MTRF1: variants seen among roughly 807,000 people sequenced by gnomAD.
MTRF1 encodes peptide chain release factor 1, mitochondrial.
Under a neutral mutation model 62.9 loss-of-function variants are expected in MTRF1, and 51 were observed. That is an observed-to-expected ratio of 0.81 (90% CI 0.65 to 1.02). The LOEUF is 1.02. Ranked by LOEUF, MTRF1 falls within the 50% of genes least tolerant of loss-of-function variation. The pLI, the probability that MTRF1 is intolerant of heterozygous loss-of-function variation, is 0.00. For synonymous variants in MTRF1, 158 were observed against 181.9 expected (o/e 0.87, Z 1.06); for missense variants, 446 against 530.0 (o/e 0.84, Z 1.56).
At chr13:41,236,703 TTC>T in intron 6 of MTRF1, 1 of 152,216 alleles carries the variant, frequency 6.6e-6, no homozygotes, top group Non-Finnish European at 1.5e-5. Context: ...GACTTACCAT[TTC>T]ATGTGGCTAT....
At chr13:41,221,424 C>T (rs2033342530) in intron 9 of MTRF1, among the ~76,000 whole-genome samples, 1 of 152,082 alleles carries the variant, frequency 6.6e-6, no homozygotes, top group African/African-American at 2.4e-5. Context: ...TCCCAAAGTG[C>T]GGGGATTACA....
chr13:41,273,097 CGGGTG>C, the MTRF1 span, among the ~76,000 whole-genome samples: 1 of 152,012 alleles, frequency 6.6e-6, no homozygotes, highest in African/African-American at 2.4e-5. Flanking sequence ...GAGGCCGAGG[CGGGTG>C]GATCACGAGG....
At chr13:41,243,952 A>G (rs1352229641) in intron 5 of MTRF1, among the ~76,000 whole-genome samples, 4 of 152,146 alleles carry the variant, frequency 2.6e-5, no homozygotes, top group Admixed American at 6.5e-5. Context: ...TACTATATCT[A>G]TACTGTCAGA....
the MTRF1 span, chr13:41,311,267 G>A: frequency 9.1e-6 from 5 of 549,134 alleles, no homozygotes; most frequent in African/African-American, 6.0e-5. Context: ...CTGCCATCTT[G>A]CAGTGCGCGG....
intron 7 of MTRF1, among the ~76,000 whole-genome samples, chr13:41,230,240 T>C (rs191035760): frequency 4.6e-5 from 7 of 152,294 alleles, no homozygotes; most frequent in Admixed American, 1.3e-4. Flanking sequence ...GGATGTTTTA[T>C]GTTCTTTTGC....
the MTRF1 span, among the ~76,000 whole-genome samples, chr13:41,270,357 A>G: frequency 6.6e-6 from 1 of 152,282 alleles, no homozygotes; most frequent in African/African-American, 2.4e-5. Context: ...TTTGATTCAC[A>G]TATTTTTATT....
At chr13:41,231,600 G>C (rs1182874900) in intron 7 of MTRF1, among the ~76,000 whole-genome samples, 1 of 152,106 alleles carries the variant, frequency 6.6e-6, no homozygotes, top group Non-Finnish European at 1.5e-5. Flanking sequence ...AGACATCTGG[G>C]GGTCCCTAAT....
the MTRF1 span, among the ~76,000 whole-genome samples, chr13:41,307,002 C>A: frequency 6.6e-6 from 1 of 152,122 alleles, no homozygotes; most frequent in Non-Finnish European, 1.5e-5. Context: ...AACAGGAAGT[C>A]AGTAATAAGA....
intron 7 of MTRF1, among the ~76,000 whole-genome samples, chr13:41,231,688 C>T (rs2035585357): frequency 6.6e-6 from 1 of 152,166 alleles, no homozygotes; most frequent in African/African-American, 2.4e-5. Context: ...CTCAGAGCTT[C>T]AGAATCTGGC....
intron 5 of MTRF1, among the ~76,000 whole-genome samples, chr13:41,248,394 T>C (rs1347566812): frequency 1.3e-5 from 2 of 152,234 alleles, no homozygotes; most frequent in Non-Finnish European, 2.9e-5. Flanking sequence ...AGTGCTGTGA[T>C]TACAGGCGTA....
At chr13:41,299,845 A>C in the MTRF1 span, among the ~76,000 whole-genome samples, 1 of 152,238 alleles carries the variant, frequency 6.6e-6, no homozygotes, top group Non-Finnish European at 1.5e-5. Context: ...ATATCAGAGA[A>C]AAAGTGAAAC....
At chr13:41,289,578 TGGTTGGAC>T in the MTRF1 span, among the ~76,000 whole-genome samples, 2 of 152,186 alleles carry the variant, frequency 1.3e-5, no homozygotes, top group Non-Finnish European at 2.9e-5. Context: ...GTCAGCTCAG[TGGTTGGAC>T]CGAGAACAAG....
intron 8 of MTRF1, among the ~76,000 whole-genome samples, chr13:41,224,047 C>T (rs781354416): frequency 1.3e-5 from 2 of 152,156 alleles, no homozygotes; most frequent in African/African-American, 2.4e-5. Context: ...TACTTTGTAA[C>T]GTGGCCAATC....
chr13:41,299,404 A>G, the MTRF1 span, among the ~76,000 whole-genome samples: 1 of 152,112 alleles, frequency 6.6e-6, no homozygotes, highest in African/African-American at 2.4e-5. Flanking sequence ...TTACTAATGG[A>G]TCAGGCAGAT....
chr13:41,262,964 TC>T (rs1185253936), intron 1 of MTRF1, among the ~76,000 whole-genome samples: 2 of 152,310 alleles, frequency 1.3e-5, no homozygotes, highest in East Asian at 3.9e-4. Flanking sequence ...ATATTCAGTT[TC>T]CAGAGTTCTA....
At chr13:41,252,395 T>A in intron 5 of MTRF1, 1 of 294,594 alleles carries the variant, frequency 3.4e-6, no homozygotes, top group Non-Finnish European at 6.2e-6. Context: ...CGTATCTAAG[T>A]TCCTCAGGGG....
At chr13:41,241,234 C>T (rs1033002171) in intron 5 of MTRF1, among the ~76,000 whole-genome samples, 5 of 152,070 alleles carry the variant, frequency 3.3e-5, no homozygotes, top group Admixed American at 6.5e-5. Context: ...TTAGTAGAGG[C>T]GGGGTTTCAC....
chr13:41,252,892 T>C (rs1255906518), intron 4 of MTRF1, 57 bp downstream of exon 4: 6 of 1,410,958 alleles, frequency 4.3e-6, no homozygotes, highest in Non-Finnish European at 4.9e-6. Context: ...TGTTATCAAA[T>C]AAGGTAAAAT....
At chr13:41,297,285 G>A in the MTRF1 span, among the ~76,000 whole-genome samples, 3 of 152,108 alleles carry the variant, frequency 2.0e-5, no homozygotes, top group African/African-American at 4.8e-5. Flanking sequence ...GCTAGTGGGC[G>A]ACCCAATGCC....
Sources: gnomAD v4.1 joint callset for allele counts (sites outside exome capture counted in the v4.1 genomes callset) on GRCh38, gnomAD v4.1.1 for gene constraint, MANE v1.5 for transcripts, NCBI Gene and HGNC (gene_info 2026-07-23, HGNC 2026-07-21) for gene names.